LMO3: variants seen among roughly 807,000 people sequenced by gnomAD.
LMO3 encodes the protein LIM domain only 3.
LMO3 carries 2 observed loss-of-function variants against 15.8 expected under a neutral mutation model. The ratio of observed to expected loss-of-function variants is 0.13; its 90% CI spans 0.05 to 0.40. LMO3 has a LOEUF of 0.40. Among genes scored for constraint, LMO3 ranks in the 10% least tolerant of loss-of-function variants. The pLI is 0.99. For synonymous variants in LMO3, 62 were observed against 63.8 expected (o/e 0.97, Z 0.13); for missense variants, 86 against 182.2 (o/e 0.47, Z 3.04).
intron 2 of LMO3, among the ~76,000 whole-genome samples, chr12:16,572,337 CTCTTTTT>C (rs1361937907): frequency 1.0e-5 from 1 of 99,686 alleles, no homozygotes; most frequent in Admixed American, 1.1e-4. Flanking sequence ...GTGGTCCAAA[CTCTTTTT>C]TTTTTTTTTT....
At chr12:16,568,822 A>G (rs777851601) in intron 2 of LMO3, among the ~76,000 whole-genome samples, 1 of 152,162 alleles carries the variant, frequency 6.6e-6, no homozygotes, top group African/African-American at 2.4e-5. Context: ...ACATCCCTGG[A>G]TATATGACAG....
At chr12:16,569,520 G>A (rs929877766) in intron 2 of LMO3, among the ~76,000 whole-genome samples, 1 of 152,126 alleles carries the variant, frequency 6.6e-6, no homozygotes, top group Non-Finnish European at 1.5e-5. Context: ...TTACGAGCAG[G>A]TGTTACTGCT....
At position 16,549,798 on chromosome 12, in the gene LMO3, A is replaced by C. The variant is rs1941919304; in HGVS notation, c.*1424T>G. ...ACTCGGAAGAGGGGATCATATTCTCATTTCCTTAATTGTAATTTAAATAAT... is the reference window on the plus strand; with the variant it reads ...ACTCGGAAGAGGGGATCATATTCTCCTTTCCTTAATTGTAATTTAAATAAT... On this transcript the variant is annotated 3_prime_UTR_variant, in exon 4 of 4. Coordinates refer to ENST00000537304, the MANE Select transcript of LMO3 (RefSeq NM_018640.5). 1.3e-5 allele frequency: 2 copies of C among 152,050 alleles called. No individual in the cohort carries two copies. Among genetic ancestry groups the C allele is most frequent in the African/African-American group, 4.8e-5 (2 of 41,418 alleles). 9.4% of individuals were successfully genotyped at this position (152,050 alleles called of 1,614,324 possible).
At chr12:16,552,631 A>C (rs566080169) in intron 3 of LMO3, among the ~76,000 whole-genome samples, 1 of 152,184 alleles carries the variant, frequency 6.6e-6, no homozygotes, top group African/African-American at 2.4e-5. Flanking sequence ...CTTTCCTCTT[A>C]AAGGAAAATT....
intron 2 of LMO3, among the ~76,000 whole-genome samples, chr12:16,577,132 C>A (rs964197964): frequency 2.0e-5 from 3 of 152,098 alleles, no homozygotes; most frequent in African/African-American, 7.2e-5. Context: ...ACATCTGTAT[C>A]CCTCATATCT....
rs766406866 is a variant in LMO3, at chr12:16,560,764, A to G, written c.207-226T>C. ...TCTTGTTTGAGAAGAAAAGGAAAAGACAAATACATTAGGAAGCTTACGTAA... is the reference window on the plus strand; with the variant it reads ...TCTTGTTTGAGAAGAAAAGGAAAAGGCAAATACATTAGGAAGCTTACGTAA... On this transcript the variant is annotated intron_variant, in intron 2 of 3. Coordinates refer to ENST00000537304, the MANE Select transcript of LMO3 (RefSeq NM_018640.5). The surrounding 1 kb of genome is among the most constrained non-coding windows in gnomAD (Gnocchi z 5.0). The G allele has an allele frequency of 5.3e-6, 3 of 566,140 alleles. No individual in the cohort carries two copies. Among genetic ancestry groups the G allele is most frequent in the East Asian group, 3.8e-5 (1 of 26,666 alleles). 35.1% of individuals were successfully genotyped at this position (566,140 alleles called of 1,614,324 possible). A position where few individuals can be genotyped will look rare whatever the true frequency, so the allele number is the denominator to read the frequency against.
chr12:16,583,233 GAC>G (rs1943221248), intron 2 of LMO3, among the ~76,000 whole-genome samples: 1 of 152,110 alleles, frequency 6.6e-6, no homozygotes, highest in African/African-American at 2.4e-5. Context: ...AGTGGTGAGA[GAC>G]AGAAGCCAGA....
At chr12:16,571,279 G>A (rs1377198865) in intron 2 of LMO3, among the ~76,000 whole-genome samples, 7 of 152,040 alleles carry the variant, frequency 4.6e-5, no homozygotes, top group Admixed American at 4.6e-4. Context: ...AAAGGCATCA[G>A]TATTTTATTG....
rs1023957542 is a variant in LMO3 at position 16,560,305 on chromosome 12, G to T, written c.332+108C>A. 3 of 1,233,932 alleles carry T rather than the reference G, an allele frequency of 2.4e-6. No homozygotes were observed. Among genetic ancestry groups the T allele is most frequent in the Middle Eastern group, 2.0e-4 (1 of 4,960 alleles). 76.4% of individuals were successfully genotyped at this position (1,233,932 alleles called of 1,614,324 possible). ...ATTAAAGTTTACAGAACAGAAAAAC[G>T]CTGAGATTGATTGCTTTAAATGTAT... On this transcript the variant is annotated intron_variant, in intron 3 of 3. Transcript: ENST00000537304. The surrounding 1 kb of genome is among the most constrained non-coding windows in gnomAD (Gnocchi z 5.0).
intron 3 of LMO3, among the ~76,000 whole-genome samples, chr12:16,552,648 T>C (rs895413175): frequency 6.6e-6 from 1 of 152,040 alleles, no homozygotes; most frequent in Non-Finnish European, 1.5e-5. Flanking sequence ...AATTGGTCTA[T>C]TTGTGGAATT....
At position 16,555,779 on chromosome 12, in the gene LMO3, G is replaced by A. The variant is rs1363864192; in HGVS notation, c.333-4452C>T. Among the ~76,000 whole-genome samples the A allele has an allele frequency of 6.6e-6, 1 of 152,012 alleles. No homozygotes were observed. Among genetic ancestry groups the A allele is most frequent in the Non-Finnish European group, 1.5e-5 (1 of 68,000 alleles). On this transcript the variant is annotated intron_variant, in intron 3 of 3. Transcript: ENST00000537304. The surrounding 1 kb of genome is among the most constrained non-coding windows in gnomAD (Gnocchi z 5.5). The stretch of plus-strand genomic sequence containing the variant: ...CTTTCACATCTGCATGCCTTTGCAC[G>A]TTGCTCAATTTGCCTGAAAATTCCT...
At chr12:16,569,597 C>T (rs1193976377) in intron 2 of LMO3, among the ~76,000 whole-genome samples, 2 of 152,142 alleles carry the variant, frequency 1.3e-5, no homozygotes, top group African/African-American at 2.4e-5. Flanking sequence ...GAATGTTTTT[C>T]CCTTAACATT....
chr12:16,595,186 T>C (rs1408850290), intron 2 of LMO3, among the ~76,000 whole-genome samples: 1 of 151,354 alleles, frequency 6.6e-6, no homozygotes, highest in Non-Finnish European at 1.5e-5. Context: ...ACAGAAACAT[T>C]ATAAAATATT....
intron 2 of LMO3, chr12:16,594,179 G>T (rs1943576821): frequency 1.3e-6 from 2 of 1,532,772 alleles, no homozygotes; most frequent in South Asian, 1.2e-5. Flanking sequence ...GATGACAAAA[G>T]GTAATGGCCA....
intron 2 of LMO3, among the ~76,000 whole-genome samples, chr12:16,583,638 A>G (rs756226351): frequency 6.0e-4 from 91 of 152,350 alleles, no homozygotes; most frequent in Admixed American, 1.2e-3. Context: ...ATCAAACCTG[A>G]TAAAAAACAT....
In LMO3 at chr12:16,603,068, A is replaced by G. The variant is rs1943876733; in HGVS notation, c.-8-2200T>C. Among the ~76,000 whole-genome samples, 1 of 152,144 alleles carries G rather than the reference A, an allele frequency of 6.6e-6. No individual in the cohort carries two copies. Among genetic ancestry groups the G allele is most frequent in the African/African-American group, 2.4e-5 (1 of 41,446 alleles). ...TTTCTACCATCAAGCATAGAAGGTC[A>G]GCTGTTTTATTCAAAATGCTTTGCA... On this transcript the variant is annotated intron_variant, in intron 1 of 3. Transcript: ENST00000537304. This position sits in a 1 kb window ranked among gnomAD's most constrained non-coding sequence, Gnocchi z 4.9.
intron 1 of LMO3, chr12:16,605,575 T>C (rs1943966342): frequency 4.6e-6 from 3 of 649,236 alleles, no homozygotes; most frequent in Non-Finnish European, 5.1e-6. Context: ...CTTTAAGAAG[T>C]GGGGGTTCAT....
rs1261906530 is a variant in LMO3, at chr12:16,586,014, T to A, written c.206+14641A>T. Among the ~76,000 whole-genome samples, 1 of 152,160 alleles carries A rather than the reference T, an allele frequency of 6.6e-6. No individual in the cohort carries two copies. The highest frequency in any genetic ancestry group is 2.4e-5 in the African/African-American group (1 of 41,444). ...CCCAATAGCATCCTTAGGACACTGA[T>A]GTTTTTGCAGCTGTTAATGAAAATC... is the stretch of plus-strand genomic sequence containing the variant. On this transcript the variant is annotated intron_variant, in intron 2 of 3. Coordinates refer to ENST00000537304, the MANE Select transcript of LMO3 (RefSeq NM_018640.5). This position sits in a 1 kb window ranked among gnomAD's most constrained non-coding sequence, Gnocchi z 4.3.
intron 2 of LMO3, chr12:16,600,421 C>A: frequency 2.1e-6 from 1 of 486,678 alleles, no homozygotes; most frequent in Non-Finnish European, 3.7e-6. Context: ...TAACCAACTG[C>A]CTGAGTGTGC....
Sources: allele counts gnomAD v4.1 joint callset (sites outside exome capture counted in the v4.1 genomes callset), GRCh38; gene constraint gnomAD v4.1.1; non-coding constraint Gnocchi (gnomAD v3.1); transcripts MANE v1.5; gene names NCBI Gene and HGNC (gene_info 2026-07-23, HGNC 2026-07-21).